TARS3: variants seen among roughly 807,000 people sequenced by gnomAD.
The protein encoded by TARS3 is threonine--tRNA ligase 2, cytoplasmic.
TARS3 carries 94 observed loss-of-function variants against 103.5 expected under a neutral mutation model. The ratio of observed to expected loss-of-function variants is 0.91; its 90% confidence interval spans 0.77 to 1.08. The LOEUF (loss-of-function observed/expected upper bound fraction) is 1.08. TARS3 is among the 50% of genes least tolerant of loss of function. The pLI, the probability that TARS3 is intolerant of heterozygous loss-of-function variation, is 0.00. For synonymous variants in TARS3, 416 were observed against 355.4 expected (o/e 1.17, Z -1.92); for missense variants, 952 against 995.2 (o/e 0.96, Z 0.58).
intron 18 of TARS3, among the ~76,000 whole-genome samples, chr15:101,655,049 A>G: frequency 6.6e-6 from 1 of 151,636 alleles, no homozygotes; most frequent in African/African-American, 2.4e-5. Flanking sequence ...ACAGGCTCAC[A>G]GTGACCCCAC....
intron 10 of TARS3, among the ~76,000 whole-genome samples, chr15:101,695,004 C>A (rs1898899539): frequency 6.6e-6 from 1 of 152,134 alleles, no homozygotes; most frequent in African/African-American, 2.4e-5. Flanking sequence ...GGAGATGGAC[C>A]ATGACAGTTG....
intron 16 of TARS3, among the ~76,000 whole-genome samples, chr15:101,658,191 C>T (rs916239186): frequency 2.0e-5 from 3 of 151,936 alleles, no homozygotes; most frequent in African/African-American, 7.3e-5. Flanking sequence ...TGCTCACTAA[C>T]GTCCATAGCA....
At chr15:101,706,554 C>G (rs963696617) in intron 6 of TARS3, among the ~76,000 whole-genome samples, 1 of 152,160 alleles carries the variant, frequency 6.6e-6, no homozygotes, top group Non-Finnish European at 1.5e-5. Context: ...TTGGACAGTA[C>G]TGTTCTAGAA....
chr15:101,686,302 T>A (rs1898473151), intron 10 of TARS3, among the ~76,000 whole-genome samples: 1 of 152,210 alleles, frequency 6.6e-6, no homozygotes, highest in Non-Finnish European at 1.5e-5. Flanking sequence ...TAGTATATAA[T>A]GTTTTAGTTC....
chr15:101,692,658 A>G lies in TARS3; in HGVS notation c.1321-6596T>C, dbSNP rs141487913. Among the ~76,000 whole-genome samples the G allele has an allele frequency of 2.0e-3, 275 of 137,858 alleles. 1 individual carries two copies. Among genetic ancestry groups the G allele is most frequent in the Middle Eastern group, 7.6e-3 (2 of 262 alleles). 90.4% of individuals were successfully genotyped at this position (137,858 alleles called of 152,430 possible). On this transcript the variant is annotated intron_variant, in intron 10 of 18. Coordinates refer to ENST00000335968, the MANE Select transcript of TARS3 (RefSeq NM_152334.3). ...TGGCTCCAAGCTCTCTGTGGGTTCT[A>G]GTATTACTACTCCATCTCCTCACTT...
chr15:101,715,103 T>G, intron 3 of TARS3, 140 bp from the exon 4 acceptor site: 4 of 746,026 alleles, frequency 5.4e-6, no homozygotes, highest in Non-Finnish European at 7.8e-6. Flanking sequence ...AGATATTTCT[T>G]GTTTTGCAAT....
At chr15:101,697,629 C>T (rs1899044428) in intron 10 of TARS3, among the ~76,000 whole-genome samples, 1 of 152,170 alleles carries the variant, frequency 6.6e-6, no homozygotes, top group African/African-American at 2.4e-5. Context: ...CACGAGGCTT[C>T]AGGACACGGA....
At chr15:101,706,238 T>G (rs908849815) in intron 6 of TARS3, among the ~76,000 whole-genome samples, 1 of 152,178 alleles carries the variant, frequency 6.6e-6, no homozygotes, top group Non-Finnish European at 1.5e-5. Flanking sequence ...TCCGCCTGCC[T>G]TGGCCTCCCA....
chr15:101,680,884 A>G (rs1898229413), intron 12 of TARS3, among the ~76,000 whole-genome samples: 2 of 152,116 alleles, frequency 1.3e-5, no homozygotes, highest in Non-Finnish European at 2.9e-5. Context: ...CCTATCACCT[A>G]ATTACAAAGA....
chr15:101,664,737 G>A (rs185972310), intron 15 of TARS3, among the ~76,000 whole-genome samples: 3 of 152,254 alleles, frequency 2.0e-5, no homozygotes, highest in Admixed American at 2.0e-4. Flanking sequence ...CTTAGCATAT[G>A]AATCATTAGG....
intron 12 of TARS3, among the ~76,000 whole-genome samples, chr15:101,678,612 C>T (rs956161370): frequency 6.6e-6 from 1 of 151,958 alleles, no homozygotes; most frequent in Non-Finnish European, 1.5e-5. Flanking sequence ...TATACCTTAC[C>T]CCATTTATAG....
intron 15 of TARS3, among the ~76,000 whole-genome samples, chr15:101,669,311 T>C (rs537209579): frequency 2.0e-5 from 3 of 152,350 alleles, no homozygotes; most frequent in South Asian, 2.1e-4. Flanking sequence ...CTATAATGTA[T>C]TTGTGTTTTA....
intron 3 of TARS3, among the ~76,000 whole-genome samples, chr15:101,716,424 C>T (rs1027700619): frequency 2.0e-5 from 3 of 151,578 alleles, no homozygotes; most frequent in African/African-American, 2.4e-5. Context: ...TATATCTTTC[C>T]ATATTAATAT....
intron 12 of TARS3, among the ~76,000 whole-genome samples, chr15:101,678,821 GAA>G: frequency 1.3e-5 from 2 of 151,944 alleles, no homozygotes; most frequent in Non-Finnish European, 2.9e-5. Flanking sequence ...TTTCTGTTTA[GAA>G]AACTTCCTAC....
chr15:101,694,569 T>C (rs546455519), intron 10 of TARS3, among the ~76,000 whole-genome samples: 50 of 152,224 alleles, frequency 3.3e-4, no homozygotes, highest in South Asian at 6.2e-4. Context: ...AGGGAGGACC[T>C]TGAGGCACAT....
chr15:101,680,733 T>C (rs554938880), intron 12 of TARS3, among the ~76,000 whole-genome samples: 1 of 152,320 alleles, frequency 6.6e-6, no homozygotes, highest in South Asian at 2.1e-4. Flanking sequence ...TCACAAATAT[T>C]TTCTCCCAGT....
chr15:101,673,472 G>C (rs1347324702), intron 13 of TARS3, among the ~76,000 whole-genome samples: 1 of 152,152 alleles, frequency 6.6e-6, no homozygotes, highest in East Asian at 1.9e-4. Flanking sequence ...CAGGAAGTGG[G>C]TGTCATTGCT....
chr15:101,654,814 T>G, intron 18 of TARS3, 84 bp from the exon 19 acceptor site: 3 of 1,336,952 alleles, frequency 2.2e-6, no homozygotes, highest in Non-Finnish European at 3.1e-6. Context: ...CATGTTTTTA[T>G]CAAGTTTTTC....
intron 4 of TARS3, 59 bp from the exon 5 acceptor site, chr15:101,712,060 A>C: frequency 6.5e-7 from 1 of 1,549,700 alleles, no homozygotes; most frequent in Non-Finnish European, 8.7e-7. Flanking sequence ...GAAAATTAGT[A>C]GTAAAATGAT....
Sources: gnomAD v4.1 joint callset for allele counts (sites outside exome capture counted in the v4.1 genomes callset) on GRCh38, gnomAD v4.1.1 for gene constraint, MANE v1.5 for transcripts, NCBI Gene and HGNC (gene_info 2026-07-23, HGNC 2026-07-21) for gene names.